TIAL1: variants seen among roughly 807,000 people sequenced by gnomAD.
TIAL1 encodes TIA1 cytotoxic granule associated RNA binding protein like 1.
A neutral mutation model predicts 59.7 loss-of-function variants in TIAL1; 7 were observed. That is an observed-to-expected ratio of 0.12 (90% CI 0.07 to 0.22). The LOEUF (loss-of-function observed/expected upper bound fraction) is 0.22, where lower values mean the gene tolerates loss of function less well. TIAL1 is among the 10% of genes least tolerant of loss of function. The probability of loss-of-function intolerance (pLI) is 1.00; values close to 1 mark genes in which losing one functional copy is unlikely to be tolerated. For synonymous variants in TIAL1, 149 were observed against 146.3 expected (o/e 1.02, Z -0.13); for missense variants, 225 against 462.5 (o/e 0.49, Z 4.71).
chr10:119,584,965 TAAAAA>T (rs1279884580), intron 2 of TIAL1, among the ~76,000 whole-genome samples: 1 of 150,212 alleles, frequency 6.7e-6, no homozygotes, highest in African/African-American at 2.5e-5. Flanking sequence ...AATAAAAAAA[TAAAAA>T]ATATTAGCTG....
chr10:119,580,891 C>T, intron 5 of TIAL1: 1 of 1,148,012 alleles, frequency 8.7e-7, no homozygotes, highest in Non-Finnish European at 1.1e-6. Context: ...GTGACTTGGA[C>T]TTAAGAAAAA....
chr10:119,591,188 G>A (rs995812810), intron 1 of TIAL1, among the ~76,000 whole-genome samples: 1 of 152,042 alleles, frequency 6.6e-6, no homozygotes, highest in Non-Finnish European at 1.5e-5. Flanking sequence ...TGGATCACTT[G>A]AGGTCAGGAG....
At position 119,574,600 on chromosome 10, in the gene TIAL1, A is replaced by AG. The variant is rs1385409168; in HGVS notation, c.*1064_*1065insC. ...GTAATGTAAAGCAAAAAAAAAAAAA[A>AG]AAAAAAACAAAAACAAAAAACTAAT... On this transcript the variant is annotated 3_prime_UTR_variant, in exon 12 of 12. Coordinates refer to ENST00000436547, the MANE Select transcript of TIAL1 (RefSeq NM_003252.4). 6.9e-6 allele frequency: 1 copy of AG among 145,448 alleles called. No individual in the cohort carries two copies. Among genetic ancestry groups the AG allele is most frequent in the African/African-American group, 2.8e-5 (1 of 35,842 alleles). 9.0% of individuals were successfully genotyped at this position (145,448 alleles called of 1,614,324 possible). A position where few individuals can be genotyped will look rare whatever the true frequency, so the allele number is the denominator to read the frequency against.
intron 1 of TIAL1, among the ~76,000 whole-genome samples, chr10:119,595,203 T>C (rs1846102287): frequency 6.6e-6 from 1 of 152,164 alleles, no homozygotes; most frequent in African/African-American, 2.4e-5. Flanking sequence ...AGTGAAGAGA[T>C]GTGAAGCTAG....
chr10:119,582,626 G>A lies in TIAL1; in HGVS notation c.130-69C>T. The A allele has an allele frequency of 6.3e-7, 1 of 1,582,954 alleles. No homozygotes were observed. Among genetic ancestry groups the A allele is most frequent in the Non-Finnish European group, 8.6e-7 (1 of 1,169,284 alleles). On this transcript the variant is annotated intron_variant, in intron 2 of 11. Coordinates refer to ENST00000436547, the MANE Select transcript of TIAL1 (RefSeq NM_003252.4). This position sits in a 1 kb window ranked among gnomAD's most constrained non-coding sequence, Gnocchi z 5.1. Reference sequence around the variant, plus strand: ...TCGGGTTGCTGAGAAGAAAATCCAGGAAAAAACATTACTGATAGCTGGGAA... The same window carrying A: ...TCGGGTTGCTGAGAAGAAAATCCAGAAAAAAACATTACTGATAGCTGGGAA...
intron 2 of TIAL1, among the ~76,000 whole-genome samples, chr10:119,585,597 ATTCAT>A (rs1269346640): frequency 4.6e-5 from 7 of 152,144 alleles, no homozygotes; most frequent in Admixed American, 1.3e-4. Context: ...TGTTATGAAA[ATTCAT>A]TTCGAGTCCC....
chr10:119,577,714 A>C lies in TIAL1; in HGVS notation c.579T>G (p.Phe193Leu). 6.2e-7 allele frequency: 1 copy of C among 1,614,116 alleles called. No individual in the cohort carries two copies. The highest frequency in any genetic ancestry group is 8.5e-7 in the Non-Finnish European group (1 of 1,179,942). ...GACTTGACTGGTTTACTACATCTTC[A>C]AATCTCAACTGCTTAGTGTTGTCTG... ...TQENNTKQLR[F>L]EDVVNQSSPK... The change falls in exon 8 of 12, where the codon TTT becomes TTG. Residue 193 changes from phenylalanine to leucine, a missense_variant. Transcript: ENST00000436547.
intron 2 of TIAL1, among the ~76,000 whole-genome samples, chr10:119,586,394 G>C (rs538689163): frequency 4.6e-5 from 7 of 152,190 alleles, no homozygotes; most frequent in African/African-American, 1.7e-4. Context: ...ATCAACCTCT[G>C]TCCTTATCTT....
At chr10:119,580,696 G>A (rs759433838) in intron 5 of TIAL1, 147 of 1,002,062 alleles carry the variant, frequency 1.5e-4, no homozygotes, top group Non-Finnish European at 1.7e-4. Context: ...ACTGAATATA[G>A]AATGTTAAAA....
At position 119,590,802 on chromosome 10, in the gene TIAL1, A is replaced by C. The variant is rs546599256; in HGVS notation, c.33-2554T>G. 6.5e-4 allele frequency among the ~76,000 whole-genome samples: 99 copies of C among 151,744 alleles called. 1 individual carries two copies. The highest frequency in any genetic ancestry group is 2.3e-3 in the African/African-American group (97 of 41,360). On this transcript the variant is annotated intron_variant, in intron 1 of 11. Coordinates refer to ENST00000436547, the MANE Select transcript of TIAL1 (RefSeq NM_003252.4). ...AAAGAAAGAAAGAAAGAAAGAAAGA[A>C]AGAAAGAAAGAAAGAAAGAAACGAA...
At chr10:119,593,198 A>T (rs1845980114) in intron 1 of TIAL1, among the ~76,000 whole-genome samples, 2 of 152,262 alleles carry the variant, frequency 1.3e-5, no homozygotes, top group Admixed American at 1.3e-4. Context: ...CCCACAAGGC[A>T]GGTGTCAGAC....
chr10:119,575,412 TTG>T lies in TIAL1; in HGVS notation c.*251_*252del, dbSNP rs1844937069. ...ATTATATCAAAATTTGTAGTCAGAA[TTG>T]TCTTTATTGACTTTATTTTAGTTTT... On this transcript the variant is annotated 3_prime_UTR_variant, in exon 12 of 12. Transcript: ENST00000436547. 3.7e-5 allele frequency: 12 copies of T among 324,828 alleles called. No individual in the cohort carries two copies. In the South Asian group the frequency reaches 5.3e-4, roughly 14 times the overall value. The allele number at this position is 324,828 out of a possible 1,614,324, so 20.1% of individuals were successfully genotyped here.
chr10:119,583,887 C>T (rs1589870366), intron 2 of TIAL1, among the ~76,000 whole-genome samples: 1 of 152,186 alleles, frequency 6.6e-6, no homozygotes, highest in Non-Finnish European at 1.5e-5. Flanking sequence ...TGAAAACACA[C>T]ATTTAAATTC....
chr10:119,577,023 C>G, intron 10 of TIAL1, 57 bp downstream of exon 10: 1 of 1,594,388 alleles, frequency 6.3e-7, no homozygotes, highest in Non-Finnish European at 8.5e-7. Flanking sequence ...GTTTCCAAAG[C>G]TTTTATGTGA....
intron 1 of TIAL1, among the ~76,000 whole-genome samples, chr10:119,591,250 A>C (rs1435220507): frequency 2.6e-5 from 4 of 151,870 alleles, no homozygotes; most frequent in Non-Finnish European, 5.9e-5. Context: ...CTAAAAACAC[A>C]AAAAATTAGC....
intron 9 of TIAL1, 60 bp downstream of exon 9, chr10:119,577,391 A>G (rs556285440): frequency 2.4e-5 from 36 of 1,528,840 alleles, no homozygotes; most frequent in South Asian, 5.9e-5. Flanking sequence ...CCTGGAGAAC[A>G]TAAGTGAAAG....
intron 1 of TIAL1, chr10:119,592,236 A>C (rs1345611665): frequency 3.3e-5 from 5 of 152,248 alleles, no homozygotes; most frequent in Non-Finnish European, 7.3e-5. Flanking sequence ...CTCAACGAAA[A>C]AATTCAGAAG....
At chr10:119,581,297 AACC>A (rs1845295039) in intron 5 of TIAL1, among the ~76,000 whole-genome samples, 1 of 152,056 alleles carries the variant, frequency 6.6e-6, no homozygotes, top group Non-Finnish European at 1.5e-5. Flanking sequence ...TTAAAAATCA[AACC>A]ACATTTGCCT....
intron 6 of TIAL1, among the ~76,000 whole-genome samples, chr10:119,579,278 C>T (rs1845186415): frequency 6.6e-6 from 1 of 152,130 alleles, no homozygotes; most frequent in Non-Finnish European, 1.5e-5. Context: ...GTGGAGGTTG[C>T]AGTGGGCTGA....
Sources: allele counts gnomAD v4.1 joint callset (sites outside exome capture counted in the v4.1 genomes callset), GRCh38; gene constraint gnomAD v4.1.1; non-coding constraint Gnocchi (gnomAD v3.1); transcripts MANE v1.5; gene names NCBI Gene and HGNC (gene_info 2026-07-23, HGNC 2026-07-21).